WWOX: variants seen among roughly 807,000 people sequenced by gnomAD.
The protein encoded by WWOX is WW domain containing oxidoreductase.
A neutral mutation model predicts 46.2 loss-of-function variants in WWOX; 69 were observed. That is an observed-to-expected ratio of 1.49 (90% CI 1.23 to 1.82). The LOEUF (loss-of-function observed/expected upper bound fraction) is 1.82, where lower values mean the gene tolerates loss of function less well. Ranked by LOEUF, WWOX falls within the 40% of genes most tolerant of loss-of-function variation. WWOX has a pLI of 0.00. For synonymous variants in WWOX, 359 were observed against 202.6 expected (o/e 1.77, Z -6.56); for missense variants, 919 against 542.6 (o/e 1.69, Z -6.89).
chr16:78,250,414 AT>A (rs946759855), intron 5 of WWOX, among the ~76,000 whole-genome samples: 1 of 148,786 alleles, frequency 6.7e-6, no homozygotes, highest in African/African-American at 2.5e-5. Flanking sequence ...AACGAACAAC[AT>A]TTTTTTTTTG....
chr16:78,986,563 A>T (rs1215598712), intron 8 of WWOX, among the ~76,000 whole-genome samples: 1 of 152,202 alleles, frequency 6.6e-6, no homozygotes, highest in African/African-American at 2.4e-5. Flanking sequence ...AACAAGAATG[A>T]CAAACCGATA....
intron 7 of WWOX, among the ~76,000 whole-genome samples, chr16:78,431,902 C>T (rs966329075): frequency 6.6e-6 from 1 of 151,938 alleles, no homozygotes; most frequent in Non-Finnish European, 1.5e-5. Flanking sequence ...TTTTTGTAGA[C>T]ATGGTGTCTC....
chr16:79,023,248 A>C (rs1460887578), intron 8 of WWOX, among the ~76,000 whole-genome samples: 4 of 152,210 alleles, frequency 2.6e-5, no homozygotes, highest in African/African-American at 9.7e-5. Flanking sequence ...TGTGTAATAA[A>C]AGAATTACTG....
intron 4 of WWOX, among the ~76,000 whole-genome samples, chr16:78,139,633 A>G (rs1383735412): frequency 6.6e-6 from 1 of 152,214 alleles, no homozygotes; most frequent in Non-Finnish European, 1.5e-5. Flanking sequence ...CGATAGAGTG[A>G]GACTCTGTCT....
intron 8 of WWOX, among the ~76,000 whole-genome samples, chr16:79,200,525 A>G (rs576605927): frequency 1.5e-4 from 23 of 152,196 alleles, no homozygotes; most frequent in South Asian, 4.2e-4. Context: ...CTCCACTACA[A>G]TAACACCTGC....
chr16:78,710,854 C>G (rs1460152367), intron 8 of WWOX, among the ~76,000 whole-genome samples: 3 of 151,886 alleles, frequency 2.0e-5, no homozygotes, highest in East Asian at 1.9e-4. Context: ...TGAGCTCAAG[C>G]GATCCTACTC....
At chr16:78,438,414 C>G (rs1024364818) in intron 8 of WWOX, among the ~76,000 whole-genome samples, 11 of 151,976 alleles carry the variant, frequency 7.2e-5, no homozygotes, top group South Asian at 2.1e-4. Context: ...AAATGTTTGA[C>G]AGCACCTTCA....
At chr16:78,237,415 A>C (rs923638567) in intron 5 of WWOX, 10 of 152,212 alleles carry the variant, frequency 6.6e-5, no homozygotes, top group African/African-American at 2.4e-4. Context: ...AGTAGGAAGC[A>C]ATTGCGTTCT....
At chr16:78,540,356 A>G (rs890601003) in intron 8 of WWOX, among the ~76,000 whole-genome samples, 2 of 152,066 alleles carry the variant, frequency 1.3e-5, no homozygotes, top group African/African-American at 4.8e-5. Context: ...TCTACACATT[A>G]GAATTGTTGC....
intron 5 of WWOX, among the ~76,000 whole-genome samples, chr16:78,378,315 G>A (rs1290565510): frequency 1.3e-5 from 2 of 152,020 alleles, no homozygotes; most frequent in Non-Finnish European, 2.9e-5. Flanking sequence ...CATTTATGAG[G>A]GCATACTTTT....
At chr16:78,496,365 G>A (rs1429137733) in intron 8 of WWOX, 2 of 152,264 alleles carry the variant, frequency 1.3e-5, no homozygotes, top group African/African-American at 4.8e-5. Context: ...GGCAGAGCAT[G>A]TAGAAAGATC....
At chr16:79,001,530 T>G (rs1015151030) in intron 8 of WWOX, among the ~76,000 whole-genome samples, 4 of 152,178 alleles carry the variant, frequency 2.6e-5, no homozygotes, top group Admixed American at 1.3e-4. Context: ...TCGAAGTACA[T>G]TTTGCCCATA....
chr16:79,129,199 G>C (rs571158713), intron 8 of WWOX, among the ~76,000 whole-genome samples: 18 of 151,912 alleles, frequency 1.2e-4, no homozygotes, highest in Non-Finnish European at 2.2e-4. Context: ...ACAAGTCTAA[G>C]AGAAGGTGGG....
intron 8 of WWOX, among the ~76,000 whole-genome samples, chr16:79,024,727 G>A (rs567719854): frequency 4.0e-5 from 6 of 151,876 alleles, no homozygotes; most frequent in South Asian, 2.1e-4. Flanking sequence ...GAGCCACCAT[G>A]CCTGGCCCTG....
intron 6 of WWOX, among the ~76,000 whole-genome samples, chr16:78,422,698 C>CAT (rs1187080221): frequency 1.3e-4 from 5 of 38,628 alleles, no homozygotes; most frequent in South Asian, 8.5e-4. Flanking sequence ...CACACACACA[C>CAT]ACATATATAT....
chr16:78,497,055 G>A (rs527419174), intron 8 of WWOX, among the ~76,000 whole-genome samples: 21 of 152,326 alleles, frequency 1.4e-4, no homozygotes, highest in African/African-American at 4.8e-4. Context: ...GGAGATTTGG[G>A]GATGTTGGAT....
chr16:78,144,297 G>A (rs1166829889), intron 4 of WWOX, among the ~76,000 whole-genome samples: 2 of 149,854 alleles, frequency 1.3e-5, no homozygotes, highest in East Asian at 3.9e-4. Context: ...CAAATTTTTA[G>A]GTTTCCATGG....
chr16:78,102,724 C>T (rs938729439), intron 1 of WWOX, among the ~76,000 whole-genome samples: 1 of 152,182 alleles, frequency 6.6e-6, no homozygotes, highest in African/African-American at 2.4e-5. Flanking sequence ...CTGTGTACTC[C>T]TCCTTGTTGG....
intron 8 of WWOX, among the ~76,000 whole-genome samples, chr16:79,165,475 T>C (rs1110543): frequency 0.51 from 78,257 of 152,038 alleles, 21,084 homozygotes; most frequent in East Asian, 0.75. Context: ...ATACGAAAAA[T>C]AGAATCAGAG....
Sources: gnomAD v4.1 joint callset for allele counts (sites outside exome capture counted in the v4.1 genomes callset) on GRCh38, gnomAD v4.1.1 for gene constraint, MANE v1.5 for transcripts, NCBI Gene and HGNC (gene_info 2026-07-23, HGNC 2026-07-21) for gene names.